The following CLIP1 variants were observed in gnomAD, a reference collection of about 807,000 sequenced individuals.
CLIP1 encodes CAP-Gly domain-containing linker protein 1.
In CLIP1, 66 loss-of-function variants were observed where a neutral mutation model predicts 161.6. The ratio of observed to expected loss-of-function variants is 0.41; its 90% confidence interval spans 0.33 to 0.50. CLIP1 has a LOEUF of 0.50. CLIP1 is among the 20% of genes least tolerant of loss of function. The pLI is 0.27. For synonymous variants in CLIP1, 598 were observed against 626.2 expected (o/e 0.96, Z 0.67); for missense variants, 1,376 against 1,702.0 (o/e 0.81, Z 3.37).
At chr12:122,335,761 C>T (rs539494559) in intron 12 of CLIP1, among the ~76,000 whole-genome samples, 2 of 151,578 alleles carry the variant, frequency 1.3e-5, no homozygotes, top group African/African-American at 2.4e-5. Flanking sequence ...GAGCCGAGAT[C>T]GCGCCACTGC....
intron 10 of CLIP1, 81 bp downstream of exon 10, chr12:122,347,294 G>A (rs1223080359): frequency 1.3e-5 from 14 of 1,064,420 alleles, no homozygotes; most frequent in Non-Finnish European, 1.7e-5. Context: ...TCAAGGCTCA[G>A]GCCAACTATA....
At chr12:122,380,833 G>C (rs985318594) in intron 1 of CLIP1, among the ~76,000 whole-genome samples, 2 of 151,998 alleles carry the variant, frequency 1.3e-5, no homozygotes, top group Non-Finnish European at 2.9e-5. Context: ...TAAGATAGGA[G>C]GACTGTTTGA....
intron 20 of CLIP1, among the ~76,000 whole-genome samples, chr12:122,290,529 T>C (rs1956056148): frequency 6.6e-6 from 1 of 152,128 alleles, no homozygotes. Flanking sequence ...TTTAGTTTTA[T>C]AATTTAAAAG....
At chr12:122,330,675 C>A (rs768674014) in intron 15 of CLIP1, among the ~76,000 whole-genome samples, 1 of 141,514 alleles carries the variant, frequency 7.1e-6, no homozygotes, top group Non-Finnish European at 1.5e-5. Flanking sequence ...TCTGAGCTCA[C>A]GGCACCCTCT....
chr12:122,417,123 C>T (rs2137219680), intron 1 of CLIP1, among the ~76,000 whole-genome samples: 1 of 151,882 alleles, frequency 6.6e-6, no homozygotes, highest in Admixed American at 6.6e-5. Flanking sequence ...ATGGTGAAAC[C>T]CCGTCTCTAC....
At chr12:122,329,915 C>T (rs1294797300) in intron 15 of CLIP1, among the ~76,000 whole-genome samples, 3 of 151,994 alleles carry the variant, frequency 2.0e-5, no homozygotes, top group South Asian at 2.1e-4. Context: ...GTCAGGAGTT[C>T]GAGACCAGCC....
At position 122,279,294 on chromosome 12, in the gene CLIP1, C is replaced by T. The variant is rs577877661; in HGVS notation, c.3648-149G>A. On this transcript the variant is annotated intron_variant, in intron 21 of 25. Transcript: ENST00000620786. The surrounding 1 kb of genome is among the most constrained non-coding windows in gnomAD (Gnocchi z 4.5). ...TTTATAGGGAGTTAAGGCCATTATG[C>T]TCACAAAATTTTACTTGAAATTTTA... is the stretch of plus-strand genomic sequence containing the variant. The T allele has an allele frequency of 7.2e-5, 35 of 483,898 alleles. No homozygotes were observed. The South Asian group carries it at 1.3e-3, about 18-fold the overall frequency. 30.0% of individuals were successfully genotyped at this position (483,898 alleles called of 1,614,324 possible).
chr12:122,386,004 G>A (rs1232398440), intron 1 of CLIP1, among the ~76,000 whole-genome samples: 4 of 152,136 alleles, frequency 2.6e-5, no homozygotes, highest in African/African-American at 7.2e-5. Context: ...AATTGGGCTC[G>A]GCCGGGAGCA....
chr12:122,318,329 T>A (rs1655048635), intron 18 of CLIP1, among the ~76,000 whole-genome samples: 1 of 152,184 alleles, frequency 6.6e-6, no homozygotes, highest in Admixed American at 6.5e-5. Context: ...GGTCAGGAGT[T>A]CCAGAACAGC....
intron 1 of CLIP1, among the ~76,000 whole-genome samples, chr12:122,409,153 T>C (rs1173304459): frequency 2.0e-5 from 3 of 146,430 alleles, no homozygotes; most frequent in Non-Finnish European, 4.5e-5. Context: ...TGAGATGGAG[T>C]CTTGCTCTGT....
At chr12:122,335,416 C>T (rs985529933) in intron 12 of CLIP1, among the ~76,000 whole-genome samples, 4 of 150,410 alleles carry the variant, frequency 2.7e-5, no homozygotes, top group African/African-American at 7.4e-5. Context: ...CTAAGATATA[C>T]GGAAGGATAC....
At position 122,274,064 on chromosome 12, in the gene CLIP1, G is replaced by C. The variant is rs764488108; in HGVS notation, c.4065C>G (p.Asn1355Lys). The C allele has an allele frequency of 1.5e-5, 24 of 1,613,512 alleles. No individual in the cohort carries two copies. The highest frequency in any genetic ancestry group is 1.9e-5 in the Non-Finnish European group (22 of 1,179,774). ...TGTCATAATTGTTTAGGTCATCCCCGTTCCCATTCAGGGCTGCTTCTGACA... is the reference window on the plus strand; with the variant it reads ...TGTCATAATTGTTTAGGTCATCCCCCTTCCCATTCAGGGCTGCTTCTGACA... ...EMMSEAALNG[N>K]GDDLNNYDSD... The change falls in exon 25 of 26, where the codon AAC (asparagine) becomes AAG (lysine). Residue 1355 changes from asparagine to lysine, a missense_variant. Coordinates refer to ENST00000620786, the MANE Select transcript of CLIP1 (RefSeq NM_001247997.2).
At chr12:122,379,403 C>T (rs1954897615) in intron 2 of CLIP1, among the ~76,000 whole-genome samples, 1 of 151,118 alleles carries the variant, frequency 6.6e-6, no homozygotes, top group South Asian at 2.1e-4. Flanking sequence ...AACCTGAGGT[C>T]AGGAGTTCAA....
intron 12 of CLIP1, 84 bp downstream of exon 12, chr12:122,336,548 A>G (rs577742107): frequency 1.4e-6 from 1 of 713,110 alleles, no homozygotes; most frequent in African/African-American, 1.8e-5. Flanking sequence ...GAAAGGAAAC[A>G]GCTACAATAT....
intron 5 of CLIP1, among the ~76,000 whole-genome samples, chr12:122,357,612 G>A (rs1331104839): frequency 1.5e-3 from 204 of 140,630 alleles, no homozygotes; most frequent in Non-Finnish European, 2.3e-3. Context: ...GGTGAGGGGC[G>A]CCTCTGCCCG....
intron 1 of CLIP1, among the ~76,000 whole-genome samples, chr12:122,408,229 CAA>C (rs1259000241): frequency 2.9e-3 from 164 of 57,422 alleles, no homozygotes; most frequent in African/African-American, 9.3e-3. Flanking sequence ...TACTCCGTCT[CAA>C]AAAAAAAAAA....
intron 1 of CLIP1, among the ~76,000 whole-genome samples, chr12:122,421,771 CG>C (rs1045804060): frequency 6.6e-6 from 1 of 152,174 alleles, no homozygotes; most frequent in Non-Finnish European, 1.5e-5. Context: ...AATCAAAACC[CG>C]ATTTTTGAAA....
At chr12:122,412,787 C>G (rs1006881804) in intron 1 of CLIP1, among the ~76,000 whole-genome samples, 3 of 151,788 alleles carry the variant, frequency 2.0e-5, no homozygotes, top group Non-Finnish European at 4.4e-5. Context: ...TACAATTAAC[C>G]TACATATTTT....
rs150790524 is a variant in CLIP1, at chr12:122,309,818, C to T, written c.3538G>A (p.Val1180Ile). Residue 1180 changes from valine (V) to isoleucine (I), a missense_variant, in exon 20 of 26, where the codon GTT becomes ATT. By Grantham distance (29) the Val-to-Ile change is conservative (BLOSUM62 3). Coordinates refer to ENST00000620786, the MANE Select transcript of CLIP1 (RefSeq NM_001247997.2). ...QQLSALQEENVKLAEELGRSR... is the reference protein window; with the variant it reads ...QQLSALQEENIKLAEELGRSR... ...CTCCCCAGCTCCTCAGCAAGTTTAA[C>T]GTTCTCTTCTTGCAACGCTGAAAGC... 32 of 1,613,590 alleles carry T rather than the reference C, an allele frequency of 2.0e-5. No homozygotes were observed. Among genetic ancestry groups the T allele is most frequent in the South Asian group, 3.3e-5 (3 of 91,060 alleles).
Sources: gnomAD v4.1 joint callset for allele counts (sites outside exome capture counted in the v4.1 genomes callset) on GRCh38, gnomAD v4.1.1 for gene constraint, Gnocchi (gnomAD v3.1) non-coding constraint, MANE v1.5 for transcripts, NCBI Gene and HGNC (gene_info 2026-07-23, HGNC 2026-07-21) for gene names.